Variants in ZNF407 observed in about 807,000 individuals in gnomAD.
The protein encoded by ZNF407 is zinc finger protein 407.
In ZNF407, 17 loss-of-function variants were observed where a neutral mutation model predicts 131.2. The observed-to-expected ratio is 0.13, with a 90% CI of 0.09 to 0.19. The LOEUF (loss-of-function observed/expected upper bound fraction) is 0.19. Among genes scored for constraint, ZNF407 ranks in the 10% least tolerant of loss-of-function variants. ZNF407 has a pLI of 1.00. For synonymous variants in ZNF407, 1,156 were observed against 1,062.0 expected, an observed-to-expected ratio of 1.09 and a Z score of -1.72; for missense variants, 2,681 against 2,830.6, an observed-to-expected ratio of 0.95 and a Z score of 1.20.
chr18:75,032,852 G>T (rs890882290), intron 8 of ZNF407, among the ~76,000 whole-genome samples: 7 of 140,882 alleles, frequency 5.0e-5, no homozygotes, highest in Non-Finnish European at 7.5e-5. Context: ...TGCTCGGAAT[G>T]GGGGGAAGAT....
intron 3 of ZNF407, among the ~76,000 whole-genome samples, chr18:74,646,876 C>A (rs911404085): frequency 6.6e-6 from 1 of 152,100 alleles, no homozygotes; most frequent in Non-Finnish European, 1.5e-5. Flanking sequence ...CTCTTGTCTC[C>A]ATTATATCCT....
intron 3 of ZNF407, among the ~76,000 whole-genome samples, chr18:74,713,475 T>C (rs1214437852): frequency 2.0e-5 from 3 of 151,270 alleles, no homozygotes; most frequent in Admixed American, 6.6e-5. Context: ...AACAGAGATT[T>C]AAAAAATAGA....
rs374116612 is a variant in ZNF407 at position 74,892,181 on chromosome 18, G to T, written c.5249+2143G>T. On this transcript the variant is annotated intron_variant, in intron 7 of 8. Coordinates refer to ENST00000299687, the MANE Select transcript of ZNF407 (RefSeq NM_017757.3). ...CAAGCCACAAGTTTTTAAATAGGAG[G>T]AGTTGTTGATAACAATTGCCAATTA... Among the ~76,000 whole-genome samples the T allele has an allele frequency of 1.1e-3, 163 of 152,244 alleles. 2 individuals carry two copies. The highest frequency in any genetic ancestry group is 3.6e-3 in the African/African-American group (150 of 41,558).
At chr18:74,857,018 G>T (rs1970868645) in intron 4 of ZNF407, among the ~76,000 whole-genome samples, 1 of 152,212 alleles carries the variant, frequency 6.6e-6, no homozygotes, top group African/African-American at 2.4e-5. Context: ...TCGTTAATTA[G>T]ATAAAGGCTA....
chr18:74,993,065 A>G (rs1408368657), intron 8 of ZNF407, among the ~76,000 whole-genome samples: 1 of 152,218 alleles, frequency 6.6e-6, no homozygotes, highest in Non-Finnish European at 1.5e-5. Flanking sequence ...TTTGGAAAAC[A>G]GTTTAGCCAT....
chr18:74,799,422 C>A (rs757508466), intron 4 of ZNF407, among the ~76,000 whole-genome samples: 4 of 152,072 alleles, frequency 2.6e-5, no homozygotes, highest in Non-Finnish European at 5.9e-5. Context: ...ATTCAGATTT[C>A]ATTCATTCAA....
intron 3 of ZNF407, among the ~76,000 whole-genome samples, chr18:74,693,816 C>G (rs928956016): frequency 6.6e-6 from 1 of 152,072 alleles, no homozygotes; most frequent in African/African-American, 2.4e-5. Flanking sequence ...TTTCTGTTTA[C>G]TACCCTATTT....
intron 8 of ZNF407, among the ~76,000 whole-genome samples, chr18:75,024,283 T>A (rs1007827040): frequency 1.3e-5 from 2 of 152,206 alleles, no homozygotes; most frequent in Non-Finnish European, 2.9e-5. Context: ...TAGGACTGAT[T>A]AACTTACTCG....
chr18:74,874,223 C>A (rs147490458), intron 4 of ZNF407, among the ~76,000 whole-genome samples: 1 of 152,134 alleles, frequency 6.6e-6, no homozygotes, highest in Non-Finnish European at 1.5e-5. Context: ...TCATATTATG[C>A]GTGCTTGTGT....
At chr18:74,977,334 T>C (rs1972539476) in intron 8 of ZNF407, among the ~76,000 whole-genome samples, 1 of 152,238 alleles carries the variant, frequency 6.6e-6, no homozygotes, top group South Asian at 2.1e-4. Context: ...AGCGAAGCTG[T>C]GCCTGCCTAC....
chr18:75,026,610 T>C (rs1473764679), intron 8 of ZNF407, among the ~76,000 whole-genome samples: 2 of 152,324 alleles, frequency 1.3e-5, no homozygotes, highest in East Asian at 3.9e-4. Flanking sequence ...ATCCAAGATA[T>C]TTTCAGTGAC....
At chr18:74,991,431 A>G (rs937126331) in intron 8 of ZNF407, among the ~76,000 whole-genome samples, 1 of 152,260 alleles carries the variant, frequency 6.6e-6, no homozygotes, top group Non-Finnish European at 1.5e-5. Context: ...TTGTAAATCT[A>G]ATAGCAATTA....
chr18:75,042,063 T>C (rs1481128113), intron 8 of ZNF407, among the ~76,000 whole-genome samples: 2 of 151,846 alleles, frequency 1.3e-5, no homozygotes, highest in Non-Finnish European at 2.9e-5. Context: ...CTTTCCTTTT[T>C]TTTTTTTTTT....
chr18:74,623,128 G>A (rs1599137504), intron 1 of ZNF407, among the ~76,000 whole-genome samples: 1 of 97,932 alleles, frequency 1.0e-5, no homozygotes, highest in African/African-American at 3.8e-5. Context: ...CAGTGTGACT[G>A]TGTGTGTGTC....
At chr18:74,615,645 A>G (rs892404092) in intron 1 of ZNF407, among the ~76,000 whole-genome samples, 2 of 152,190 alleles carry the variant, frequency 1.3e-5, no homozygotes, top group Admixed American at 1.3e-4. Flanking sequence ...TTTGAAGAAA[A>G]TTTATATTCT....
At chr18:74,958,936 T>C (rs1431523164) in intron 8 of ZNF407, among the ~76,000 whole-genome samples, 1 of 152,194 alleles carries the variant, frequency 6.6e-6, no homozygotes, top group African/African-American at 2.4e-5. Context: ...TGGATAGGAT[T>C]TGAATGGAGA....
intron 4 of ZNF407, among the ~76,000 whole-genome samples, chr18:74,833,759 AGGT>A (rs1283380899): frequency 6.6e-6 from 1 of 152,172 alleles, no homozygotes; most frequent in Non-Finnish European, 1.5e-5. Context: ...GACTCGGGCC[AGGT>A]GGTGGTGGTG....
At chr18:74,829,856 G>T (rs909258536) in intron 4 of ZNF407, among the ~76,000 whole-genome samples, 1 of 151,712 alleles carries the variant, frequency 6.6e-6, no homozygotes, top group Non-Finnish European at 1.5e-5. Context: ...TAAAAATTGC[G>T]GTGAATTACA....
At chr18:75,061,994 C>G (rs1973640142) in intron 8 of ZNF407, 2 of 152,328 alleles carry the variant, frequency 1.3e-5, no homozygotes, top group African/African-American at 4.8e-5. Context: ...CGCTCCTCCT[C>G]TCTGCAGCCC....
Sources: gnomAD v4.1 joint callset for allele counts (sites outside exome capture counted in the v4.1 genomes callset) on GRCh38, gnomAD v4.1.1 for gene constraint, MANE v1.5 for transcripts, NCBI Gene and HGNC (gene_info 2026-07-23, HGNC 2026-07-21) for gene names.